Variants in ANKRD17 observed in about 807,000 individuals in gnomAD.
ANKRD17 encodes ankyrin repeat domain-containing protein 17.
A neutral mutation model predicts 229.7 loss-of-function variants in ANKRD17; 19 were observed. The ratio of observed to expected loss-of-function variants is 0.08; its 90% CI spans 0.06 to 0.12. ANKRD17 has a LOEUF of 0.12. Ranked by LOEUF, ANKRD17 falls within the 10% of genes least tolerant of loss-of-function variation. The probability of loss-of-function intolerance (pLI) is 1.00; values close to 1 mark genes in which losing one functional copy is unlikely to be tolerated. For synonymous variants in ANKRD17, 1,112 were observed against 1,146.1 expected, an observed-to-expected ratio of 0.97 and a Z score of 0.60; for missense variants, 2,176 against 3,176.8, an observed-to-expected ratio of 0.68 and a Z score of 7.57.
chr4:73,151,288 T>C, intron 7 of ANKRD17, 142 bp downstream of exon 7: 1 of 672,856 alleles, frequency 1.5e-6, no homozygotes, highest in East Asian at 3.2e-5. Context: ...GTAACTTTAA[T>C]AGAAGTTAAT....
In ANKRD17 at chr4:73,076,251, G is replaced by A. The variant is rs745918404; in HGVS notation, c.7792C>T (p.His2598Tyr). 1 of 1,611,176 alleles carries A rather than the reference G, an allele frequency of 6.2e-7. No individual in the cohort carries two copies. The highest frequency in any genetic ancestry group is 8.5e-7 in the Non-Finnish European group (1 of 1,178,762). ...GPWAPHMNSV[H>Y]MNQLG Reference sequence around the variant, plus strand: ...CCTCATCAGCCAAGCTGGTTCATATGCACACTGTTCATGTGAGGTGCCCAG... The same window carrying A: ...CCTCATCAGCCAAGCTGGTTCATATACACACTGTTCATGTGAGGTGCCCAG... The change falls in exon 34 of 34, where the codon CAT (histidine) becomes TAT (tyrosine). Residue 2598 changes from histidine to tyrosine, a missense_variant. Coordinates refer to ENST00000358602, the MANE Select transcript of ANKRD17 (RefSeq NM_032217.5).
At chr4:73,211,368 AT>A (rs1029361291) in intron 1 of ANKRD17, among the ~76,000 whole-genome samples, 5 of 152,202 alleles carry the variant, frequency 3.3e-5, no homozygotes, top group African/African-American at 1.2e-4. Flanking sequence ...TGTTGTAAAG[AT>A]AAAGTTGAGT....
At chr4:73,160,757 A>C (rs2148912897) in intron 3 of ANKRD17, among the ~76,000 whole-genome samples, 1 of 152,360 alleles carries the variant, frequency 6.6e-6, no homozygotes. Context: ...CAGAAAGCAA[A>C]TAAATAAATA....
At position 73,100,293 on chromosome 4, in the gene ANKRD17, G is replaced by A. The variant is rs115690965; in HGVS notation, c.4574-1773C>T. On this transcript the variant is annotated intron_variant, in intron 25 of 33. Coordinates refer to ENST00000358602, the MANE Select transcript of ANKRD17 (RefSeq NM_032217.5). ...CGACCACCCCAGTCCCAAGGAAGGTGGGGCCCTGCCCCTAGGATGCTGCAG... is the reference window on the plus strand; with the variant it reads ...CGACCACCCCAGTCCCAAGGAAGGTAGGGCCCTGCCCCTAGGATGCTGCAG... Among the ~76,000 whole-genome samples the A allele has an allele frequency of 2.3e-3, 347 of 152,190 alleles. 2 individuals are homozygous for A. Among genetic ancestry groups the A allele is most frequent in the African/African-American group, 8.1e-3 (338 of 41,524 alleles).
At chr4:73,161,126 T>C (rs967742773) in intron 3 of ANKRD17, 66 bp downstream of exon 3, 1 of 1,565,528 alleles carries the variant, frequency 6.4e-7, no homozygotes, top group Middle Eastern at 1.7e-4. Flanking sequence ...GCTCAGTAAA[T>C]GTTAGCTATT....
At chr4:73,100,948 C>T in intron 25 of ANKRD17, 1 of 985,272 alleles carries the variant, frequency 1.0e-6, no homozygotes, top group Middle Eastern at 5.2e-4. Context: ...TTAACCAACA[C>T]TAGATTGAAA....
Position 73,258,396 on chromosome 4 carries a change from GTCGCTGCTGCTT to G in ANKRD17, c.261_272del (p.Glu87_Ser90del), listed in dbSNP as rs1487998224. ...CTCCACCGCCGCCGCTGTTGTCGCTGTCGCTGCTGCTTTCGCTGCTGCTGGGGGGTCGGCAAG... is the reference window on the plus strand; with the variant it reads ...CTCCACCGCCGCCGCTGTTGTCGCTGTCGCTGCTGCTGGGGGGTCGGCAAG... On this transcript the variant is annotated inframe_deletion, in exon 1 of 34. Coordinates refer to ENST00000358602, the MANE Select transcript of ANKRD17 (RefSeq NM_032217.5). 6.2e-7 allele frequency: 1 copy of G among 1,610,678 alleles called. No homozygotes were observed. The highest frequency in any genetic ancestry group is 8.5e-7 in the Non-Finnish European group (1 of 1,179,394).
chr4:73,077,453 G>A lies in ANKRD17; in HGVS notation c.7489C>T (p.His2497Tyr). ...GTACTATCTCGCTCCATTGCTTGAT[G>A]TTGTGAAAATACTCCTGGGTCAGAC... ...PMSDPGVFSQ[H>Y]QAMERDSTGI... Residue 2497 changes from histidine (H) to tyrosine (Y), a missense_variant, in exon 32 of 34, where the codon CAT (histidine) becomes TAT (tyrosine). Coordinates refer to ENST00000358602, the MANE Select transcript of ANKRD17 (RefSeq NM_032217.5). 6.2e-7 allele frequency: 1 copy of A among 1,613,824 alleles called. No homozygotes were observed. The highest frequency in any genetic ancestry group is 8.5e-7 in the Non-Finnish European group (1 of 1,179,854).
rs1726641885 is a variant in ANKRD17 at position 73,120,867 on chromosome 4, A to C, written c.3849+14T>G. ...AGCAATAAATTCATGTGTAAATCTCAGACTTTTTCTTACCTTAGCTCTGTG... is the reference window on the plus strand; with the variant it reads ...AGCAATAAATTCATGTGTAAATCTCCGACTTTTTCTTACCTTAGCTCTGTG... On this transcript the variant is annotated intron_variant, in intron 20 of 33. Transcript: ENST00000358602. The C allele has an allele frequency of 6.2e-7, 1 of 1,604,906 alleles. No individual in the cohort carries two copies. The highest frequency in any genetic ancestry group is 8.5e-7 in the Non-Finnish European group (1 of 1,174,634).
At chr4:73,240,859 C>T (rs1743960603) in intron 1 of ANKRD17, among the ~76,000 whole-genome samples, 1 of 139,062 alleles carries the variant, frequency 7.2e-6, no homozygotes, top group Admixed American at 7.7e-5. Context: ...CCCAGGTTGG[C>T]GTGCAGTGGC....
rs771566025 is a variant in ANKRD17 at position 73,148,905 on chromosome 4, C to T, written c.1475G>A (p.Ser492Asn). The T allele has an allele frequency of 1.2e-6, 2 of 1,613,968 alleles. No individual in the cohort carries two copies. Among genetic ancestry groups the T allele is most frequent in the Non-Finnish European group, 1.7e-6 (2 of 1,179,954 alleles). The change falls in exon 8 of 34, where the codon AGC (serine) becomes AAC (asparagine). Residue 492 changes from serine (S) to asparagine (N), a missense_variant. Around this residue, in one of 18 missense-constraint regions of ANKRD17, gnomAD observed 42 missense variants for 141.3 expected, o/e 0.30. Coordinates refer to ENST00000358602, the MANE Select transcript of ANKRD17 (RefSeq NM_032217.5). ...LAALLIERGA[S>N]LEEVNDEGYT... ...ACCTTCATCATTGACCTCTTCCAGG[C>T]TAGCTCCTCTTTCAATAAGTAAAGC...
chr4:73,227,974 A>G (rs894530793), intron 1 of ANKRD17, among the ~76,000 whole-genome samples: 6 of 152,142 alleles, frequency 3.9e-5, no homozygotes, highest in African/African-American at 1.4e-4. Flanking sequence ...CAAAATCTAT[A>G]TATTCAAACA....
intron 24 of ANKRD17, among the ~76,000 whole-genome samples, chr4:73,107,172 T>C (rs985268011): frequency 3.9e-5 from 6 of 152,204 alleles, no homozygotes; most frequent in Non-Finnish European, 8.8e-5. Flanking sequence ...ATGTGCCAGA[T>C]ACTGGTCTAA....
At chr4:73,240,229 C>A (rs991731205) in intron 1 of ANKRD17, among the ~76,000 whole-genome samples, 1 of 151,870 alleles carries the variant, frequency 6.6e-6, no homozygotes, top group Non-Finnish European at 1.5e-5. Flanking sequence ...CATAAAAGTA[C>A]TTCTGTACTA....
At chr4:73,154,990 G>A (rs1257818034) in intron 5 of ANKRD17, among the ~76,000 whole-genome samples, 6 of 149,050 alleles carry the variant, frequency 4.0e-5, no homozygotes, top group East Asian at 2.0e-4. Context: ...GCAGTGAGCC[G>A]AGATCCCGCC....
intron 1 of ANKRD17, among the ~76,000 whole-genome samples, chr4:73,207,847 C>G (rs764835894): frequency 7.2e-5 from 11 of 152,154 alleles, no homozygotes; most frequent in Non-Finnish European, 1.5e-4. Context: ...CAACATTCCT[C>G]TCTCAGATTT....
In ANKRD17 at chr4:73,077,400, G is replaced by C. The variant is rs200902356; in HGVS notation, c.7542C>G (p.Phe2514Leu). 6.2e-7 allele frequency: 1 copy of C among 1,613,552 alleles called. No homozygotes were observed. The highest frequency in any genetic ancestry group is 1.1e-5 in the South Asian group (1 of 90,956). ...STGIVTPSGT[F>L]HQHVPAGYMD... ...TGTAGCCTGCAGGAACATGCTGATGGAATGTACCAGAAGGAGTTACAATTC... is the reference window on the plus strand; with the variant it reads ...TGTAGCCTGCAGGAACATGCTGATGCAATGTACCAGAAGGAGTTACAATTC... Residue 2514 changes from phenylalanine to leucine, a missense_variant, in exon 32 of 34, where the codon TTC (phenylalanine) becomes TTG (leucine). Coordinates refer to ENST00000358602, the MANE Select transcript of ANKRD17 (RefSeq NM_032217.5).
intron 2 of ANKRD17, among the ~76,000 whole-genome samples, chr4:73,167,465 T>G (rs532398318): frequency 6.6e-6 from 1 of 152,322 alleles, no homozygotes; most frequent in South Asian, 2.1e-4. Context: ...TTATGTAAAA[T>G]CTACTTCCGT....
intron 1 of ANKRD17, among the ~76,000 whole-genome samples, chr4:73,240,975 A>AT (rs1175543696): frequency 1.3e-5 from 2 of 151,224 alleles, no homozygotes; most frequent in Admixed American, 6.6e-5. Context: ...CACCCAGCTA[A>AT]TTTTTTTTGT....
Sources: gnomAD v4.1 joint callset for allele counts (sites outside exome capture counted in the v4.1 genomes callset) on GRCh38, gnomAD v4.1.1 for gene constraint, gnomAD v4.1.1 regional missense constraint, MANE v1.5 for transcripts, NCBI Gene and HGNC (gene_info 2026-07-23, HGNC 2026-07-21) for gene names.